The following MORC1 variants were observed in gnomAD, a reference collection of about 807,000 sequenced individuals.
MORC1 encodes MORC family CW-type zinc finger protein 1.
A neutral mutation model predicts 134.9 loss-of-function variants in MORC1; 59 were observed. That is an observed-to-expected ratio of 0.44 (90% CI 0.35 to 0.54). The LOEUF (loss-of-function observed/expected upper bound fraction) is 0.54, where lower values mean the gene tolerates loss of function less well. Among genes scored for constraint, MORC1 ranks in the 20% least tolerant of loss-of-function variants. The probability of loss-of-function intolerance (pLI) is 0.00; values close to 1 mark genes in which losing one functional copy is unlikely to be tolerated. For synonymous variants in MORC1, 395 were observed against 391.7 expected, an observed-to-expected ratio of 1.01 and a Z score of -0.10; for missense variants, 947 against 1,134.5, an observed-to-expected ratio of 0.83 and a Z score of 2.37.
chr3:109,085,787 T>C (rs1018546442), intron 8 of MORC1, among the ~76,000 whole-genome samples: 1 of 152,138 alleles, frequency 6.6e-6, no homozygotes, highest in African/African-American at 2.4e-5. Flanking sequence ...AAGAGATATC[T>C]GTATTCCCAT....
rs16855127 is a variant in MORC1, at chr3:108,986,594, G to T, written c.2257+286C>A. Among the ~76,000 whole-genome samples the T allele has an allele frequency of 8.6e-4, 131 of 152,044 alleles. 1 individual carries two copies. Among genetic ancestry groups the T allele is most frequent in the Non-Finnish European group, 2.9e-4 (20 of 68,016 alleles). On this transcript the variant is annotated intron_variant, in intron 22 of 27. Transcript: ENST00000232603. ...TCAATCCTAATCAAAATTAGAAGGA[G>T]AATTCAAGACAGAGAGTGGCATAAG... is the stretch of plus-strand genomic sequence containing the variant.
intron 21 of MORC1, among the ~76,000 whole-genome samples, chr3:108,998,593 C>T (rs1231777379): frequency 6.6e-6 from 1 of 152,040 alleles, no homozygotes; most frequent in African/African-American, 2.4e-5. Flanking sequence ...CAGACACATG[C>T]TATAATTAGA....
intron 17 of MORC1, among the ~76,000 whole-genome samples, chr3:109,017,219 T>C (rs1365027685): frequency 6.6e-6 from 1 of 152,172 alleles, no homozygotes; most frequent in African/African-American, 2.4e-5. Flanking sequence ...GATGCTTAGA[T>C]CATAATAGAT....
At chr3:109,056,944 C>A (rs1303011887) in intron 13 of MORC1, among the ~76,000 whole-genome samples, 6 of 152,172 alleles carry the variant, frequency 3.9e-5, no homozygotes. Flanking sequence ...ATGAAGCTAA[C>A]TGGCATGAAC....
intron 27 of MORC1, among the ~76,000 whole-genome samples, chr3:108,959,522 T>A (rs1460349415): frequency 6.6e-6 from 1 of 152,176 alleles, no homozygotes; most frequent in Admixed American, 6.5e-5. Context: ...TTGTTTCCTC[T>A]ATTTCCATTG....
chr3:109,007,997 G>C (rs561628124), intron 17 of MORC1, among the ~76,000 whole-genome samples: 1 of 151,782 alleles, frequency 6.6e-6, no homozygotes, highest in East Asian at 1.9e-4. Flanking sequence ...CCCACTTTTT[G>C]TGGTAGGGAA....
intron 8 of MORC1, among the ~76,000 whole-genome samples, chr3:109,081,132 T>G (rs1409974316): frequency 6.6e-6 from 1 of 152,058 alleles, no homozygotes; most frequent in African/African-American, 2.4e-5. Flanking sequence ...AAATCATGGT[T>G]AAGGAAAGCA....
At chr3:109,104,492 A>G (rs979375051) in intron 3 of MORC1, among the ~76,000 whole-genome samples, 3 of 152,174 alleles carry the variant, frequency 2.0e-5, no homozygotes, top group Admixed American at 6.5e-5. Flanking sequence ...TGATTTGAAG[A>G]TATCATTAAA....
intron 14 of MORC1, among the ~76,000 whole-genome samples, chr3:109,041,877 G>C (rs945021771): frequency 1.3e-5 from 2 of 151,874 alleles, no homozygotes; most frequent in African/African-American, 2.4e-5. Flanking sequence ...CCAGGAGGTA[G>C]AGGTTGCAGT....
chr3:109,058,910 A>T (rs1282059153), intron 12 of MORC1, among the ~76,000 whole-genome samples: 1 of 152,116 alleles, frequency 6.6e-6, no homozygotes, highest in Admixed American at 6.5e-5. Context: ...TCACTTTTCA[A>T]ACATTTCACT....
intron 8 of MORC1, among the ~76,000 whole-genome samples, chr3:109,086,912 A>AT (rs1452330559): frequency 6.6e-6 from 1 of 152,128 alleles, no homozygotes; most frequent in Non-Finnish European, 1.5e-5. Flanking sequence ...GGTAAGTTAT[A>AT]TCTAATATAA....
intron 24 of MORC1, among the ~76,000 whole-genome samples, chr3:108,972,656 G>T (rs2715745): frequency 4.6e-5 from 7 of 152,104 alleles, no homozygotes; most frequent in Non-Finnish European, 8.8e-5. Context: ...AGTTGCAACA[G>T]GAGTTCCTGG....
At chr3:109,004,287 T>A (rs1948485382) in intron 20 of MORC1, among the ~76,000 whole-genome samples, 1 of 152,162 alleles carries the variant, frequency 6.6e-6, no homozygotes, top group South Asian at 2.1e-4. Context: ...TATCGACTCT[T>A]TAAGGTCGAA....
At chr3:109,078,735 GT>G in intron 8 of MORC1, among the ~76,000 whole-genome samples, 1 of 151,868 alleles carries the variant, frequency 6.6e-6, no homozygotes, top group South Asian at 2.1e-4. Flanking sequence ...ATCCAAAACT[GT>G]TTTATTTTTA....
chr3:108,982,778 T>A (rs2593954), intron 23 of MORC1, among the ~76,000 whole-genome samples: 62,120 of 148,302 alleles, frequency 0.42, 13,666 homozygotes, highest in Middle Eastern at 0.56. Flanking sequence ...ATCACCCAGA[T>A]CAAGTTATGG....
At chr3:109,077,314 A>G (rs1241719830) in intron 8 of MORC1, among the ~76,000 whole-genome samples, 2 of 152,186 alleles carry the variant, frequency 1.3e-5, no homozygotes, top group Non-Finnish European at 2.9e-5. Flanking sequence ...TAGTAAACAA[A>G]CACACAAAAA....
chr3:109,075,085 T>C (rs1308169645), intron 8 of MORC1, among the ~76,000 whole-genome samples: 2 of 152,204 alleles, frequency 1.3e-5, no homozygotes, highest in Non-Finnish European at 2.9e-5. Flanking sequence ...TGTTTTCTAG[T>C]TCTATACATA....
At chr3:109,046,780 AG>A (rs1280101771) in intron 14 of MORC1, among the ~76,000 whole-genome samples, 1 of 152,236 alleles carries the variant, frequency 6.6e-6, no homozygotes, top group Non-Finnish European at 1.5e-5. Flanking sequence ...AGATAGTAAA[AG>A]GGTTACTACA....
intron 20 of MORC1, 47 bp from the exon 21 acceptor site, chr3:109,000,705 A>G: frequency 7.3e-7 from 1 of 1,375,398 alleles, no homozygotes; most frequent in African/African-American, 1.4e-5. Context: ...AGTGGCAATC[A>G]ATGGTACATA....
Sources: gnomAD v4.1 joint callset for allele counts (sites outside exome capture counted in the v4.1 genomes callset) on GRCh38, gnomAD v4.1.1 for gene constraint, MANE v1.5 for transcripts, NCBI Gene and HGNC (gene_info 2026-07-23, HGNC 2026-07-21) for gene names.